The following NIPAL4 variants were observed in gnomAD, a reference collection of about 807,000 sequenced individuals.
The protein encoded by NIPAL4 is magnesium transporter NIPA4.
Under a neutral mutation model 31.6 loss-of-function variants are expected in NIPAL4, and 21 were observed. The ratio of observed to expected loss-of-function variants is 0.67; its 90% confidence interval spans 0.47 to 0.96. The LOEUF (loss-of-function observed/expected upper bound fraction) is 0.96, where lower values mean the gene tolerates loss of function less well. NIPAL4 is among the 40% of genes least tolerant of loss of function. The pLI, the probability that NIPAL4 is intolerant of heterozygous loss-of-function variation, is 0.00. For synonymous variants in NIPAL4, 175 were observed against 211.1 expected, an observed-to-expected ratio of 0.83 and a Z score of 1.48; for missense variants, 438 against 508.0, an observed-to-expected ratio of 0.86 and a Z score of 1.32.
In NIPAL4 at chr5:157,471,831, C is replaced by T; in HGVS notation, c.586+14C>T. 1 of 1,570,766 alleles carries T rather than the reference C, an allele frequency of 6.4e-7. No individual in the cohort carries two copies. Among genetic ancestry groups the T allele is most frequent in the Non-Finnish European group, 8.6e-7 (1 of 1,156,396 alleles). On this transcript the variant is annotated intron_variant, in intron 5 of 5. Coordinates refer to ENST00000311946, the MANE Select transcript of NIPAL4 (RefSeq NM_001099287.2). ...TGAAAGACACAGGTAGACTCCAAGC[C>T]CCTGAAGAGCAGGAAAATACTGGAG...
chr5:157,462,350 C>A (rs1754132558), intron 1 of NIPAL4, among the ~76,000 whole-genome samples: 1 of 152,102 alleles, frequency 6.6e-6, no homozygotes, highest in African/African-American at 2.4e-5. Flanking sequence ...TAAATGTTTT[C>A]TATTTTAAAA....
At chr5:157,460,629 A>C in intron 1 of NIPAL4, 36 of 463,562 alleles carry the variant, frequency 7.8e-5, no homozygotes, top group Middle Eastern at 3.1e-4. Flanking sequence ...AGGCATTTTG[A>C]CGACAGCAGA....
rs977150850 is a variant in NIPAL4 at position 157,473,150 on chromosome 5, T to C, written c.*190T>C. On this transcript the variant is annotated 3_prime_UTR_variant, in exon 6 of 6. Coordinates refer to ENST00000311946, the MANE Select transcript of NIPAL4 (RefSeq NM_001099287.2). ...AAATAGCAATGGTGGCAGAACTTCC[T>C]GGAAACAGATTCAGTGACCAAATAC... 6 of 494,694 alleles carry C rather than the reference T, an allele frequency of 1.2e-5. No individual in the cohort carries two copies. The highest frequency in any genetic ancestry group is 1.2e-4 in the African/African-American group (6 of 52,028). 30.6% of individuals were successfully genotyped at this position (494,694 alleles called of 1,614,324 possible).
At chr5:157,466,591 G>A (rs935947421) in intron 2 of NIPAL4, among the ~76,000 whole-genome samples, 22 of 152,228 alleles carry the variant, frequency 1.4e-4, no homozygotes, top group Admixed American at 1.3e-3. Flanking sequence ...GGACACATGC[G>A]AGATCTTTTT....
At position 157,467,078 on chromosome 5, in the gene NIPAL4, G is replaced by A; in HGVS notation, c.307G>A (p.Ala103Thr). Residue 103 changes from alanine (A) to threonine (T), a missense_variant, in exon 3 of 6, where the codon GCA (alanine) becomes ACA (threonine). Coordinates refer to ENST00000311946, the MANE Select transcript of NIPAL4 (RefSeq NM_001099287.2). ...TGGAGGCTTCGGCTACCTGAAAGAT[G>A]CAATGTGGTGGGCTGGATTTCTCAC... is the stretch of plus-strand genomic sequence containing the variant. ...VDGGFGYLKD[A>T]MWWAGFLTMA... The A allele has an allele frequency of 1.2e-6, 2 of 1,612,614 alleles. No homozygotes were observed. The highest frequency in any genetic ancestry group is 1.7e-6 in the Non-Finnish European group (2 of 1,178,942).
Position 157,463,371 on chromosome 5 carries a change from A to G in NIPAL4, c.277+38A>G, listed in dbSNP as rs551866345. The stretch of plus-strand genomic sequence containing the variant: ...GCCAGGAGAGGATAGGGCCCAGGGC[A>G]GCTGAGCTCTCACAAGGTCCGGGGC... On this transcript the variant is annotated intron_variant, in intron 2 of 5. Transcript: ENST00000311946. 5 of 1,560,658 alleles carry G rather than the reference A, an allele frequency of 3.2e-6. No homozygotes were observed. In the East Asian group the frequency reaches 9.0e-5, roughly 28 times the overall value.
intron 1 of NIPAL4, among the ~76,000 whole-genome samples, chr5:157,460,767 T>C (rs1025363367): frequency 6.6e-6 from 1 of 152,054 alleles, no homozygotes; most frequent in African/African-American, 2.4e-5. Flanking sequence ...CAGGACGGTC[T>C]TGTCTTTGGA....
Position 157,473,938 on chromosome 5 carries a change from G to A in NIPAL4, c.*978G>A, listed in dbSNP as rs1244570000. 6.6e-6 allele frequency: 1 copy of A among 152,266 alleles called. No homozygotes were observed. Among genetic ancestry groups the A allele is most frequent in the East Asian group, 1.9e-4 (1 of 5,198 alleles). The allele number at this position is 152,266 out of a possible 1,614,324, so 9.4% of individuals were successfully genotyped here. On this transcript the variant is annotated 3_prime_UTR_variant, in exon 6 of 6. Transcript: ENST00000311946. ...GGAAGAGGATGAGGAGCAAAGTTGG[G>A]ATTTGGCAGAAGGCAGTCCCAGGCT...
chr5:157,466,918 C>A, intron 2 of NIPAL4, 131 bp from the exon 3 acceptor site: 2 of 677,216 alleles, frequency 3.0e-6, no homozygotes, highest in South Asian at 1.6e-5. Flanking sequence ...ATGAACCCAC[C>A]CAGGAGAAGG....
chr5:157,470,918 T>G (rs1415898177), intron 4 of NIPAL4, among the ~76,000 whole-genome samples: 1 of 152,178 alleles, frequency 6.6e-6, no homozygotes, highest in Non-Finnish European at 1.5e-5. Context: ...GAAGTGTTCT[T>G]CCAACTCTTC....
At chr5:157,469,258 G>A (rs1165035521) in intron 4 of NIPAL4, among the ~76,000 whole-genome samples, 1 of 152,172 alleles carries the variant, frequency 6.6e-6, no homozygotes, top group African/African-American at 2.4e-5. Context: ...GCAAAATGGG[G>A]ATGCCAATAA....
rs200183918 is a variant in NIPAL4, at chr5:157,468,713, G to A, written c.335-9G>A. On this transcript the variant is annotated splice_polypyrimidine_tract_variant and intron_variant, in intron 3 of 5. Transcript: ENST00000311946. ...CCATGCTAGCCTCTTTTCTCCCTTCGTTTCCTAGTGGCTGCTGGAGAAGTT... is the reference window on the plus strand; with the variant it reads ...CCATGCTAGCCTCTTTTCTCCCTTCATTTCCTAGTGGCTGCTGGAGAAGTT... 1,014 of 1,589,766 alleles carry A rather than the reference G, an allele frequency of 6.4e-4. 7 individuals carry two copies. Among genetic ancestry groups the A allele is most frequent in the Middle Eastern group, 2.3e-3 (14 of 6,000 alleles).
At chr5:157,467,830 A>G (rs1424323179) in intron 3 of NIPAL4, 1 of 152,228 alleles carries the variant, frequency 6.6e-6, no homozygotes, top group East Asian at 1.9e-4. Flanking sequence ...GGAGTTTACA[A>G]ACTGGAAACT....
chr5:157,469,102 T>C (rs551742852), intron 4 of NIPAL4, among the ~76,000 whole-genome samples: 1 of 152,272 alleles, frequency 6.6e-6, no homozygotes, highest in Admixed American at 6.5e-5. Flanking sequence ...TTTGGTGCCG[T>C]GATAGATGCA....
At chr5:157,472,204 TGGAAC>T (rs1326476519) in intron 5 of NIPAL4, 123 bp from the exon 6 acceptor site, 21 of 868,272 alleles carry the variant, frequency 2.4e-5, no homozygotes, top group Non-Finnish European at 3.8e-5. Context: ...AAGCTGGGAC[TGGAAC>T]CCGGGTTTGT....
intron 5 of NIPAL4, 55 bp from the exon 6 acceptor site, chr5:157,472,277 A>C: frequency 6.5e-7 from 1 of 1,533,244 alleles, no homozygotes; most frequent in Non-Finnish European, 8.8e-7. Context: ...TCTGGGCCCT[A>C]GACATTGCCT....
chr5:157,472,255 C>T (rs1468135654), intron 5 of NIPAL4, 77 bp from the exon 6 acceptor site: 2 of 1,363,816 alleles, frequency 1.5e-6, no homozygotes, highest in East Asian at 4.6e-5. Flanking sequence ...TGCTACCTCC[C>T]ACTGCCATGA....
chr5:157,468,642 G>A (rs945561925), intron 3 of NIPAL4, 80 bp from the exon 4 acceptor site: 16 of 840,118 alleles, frequency 1.9e-5, no homozygotes, highest in Middle Eastern at 2.2e-4. Flanking sequence ...TCTCCAGCTT[G>A]TTGCACACGG....
At position 157,460,346 on chromosome 5, in the gene NIPAL4, G is replaced by A. The variant is rs1489313602; in HGVS notation, c.26G>A (p.Ser9Asn). Residue 9 changes from serine (S) to asparagine (N), a missense_variant, in exon 1 of 6, where the codon AGC (serine) becomes AAC (asparagine). Physicochemically the swap from Ser to Asn is conservative, Grantham distance 46. Transcript: ENST00000311946. ...ATGGAGCTGCGGGTCAGCAACACCA[G>A]CTGCGAGAACGGTGCGTACGGCAGG... MELRVSNT[S>N]CENGSLLHLY... The A allele has an allele frequency of 6.5e-7, 1 of 1,546,936 alleles. No individual in the cohort carries two copies. Among genetic ancestry groups the A allele is most frequent in the South Asian group, 1.2e-5 (1 of 83,980 alleles).
Sources: gnomAD v4.1 joint callset for allele counts (sites outside exome capture counted in the v4.1 genomes callset) on GRCh38, gnomAD v4.1.1 for gene constraint, MANE v1.5 for transcripts, NCBI Gene and HGNC (gene_info 2026-07-23, HGNC 2026-07-21) for gene names.